Variants in EXPH5 observed in about 807,000 individuals in gnomAD.
EXPH5 encodes exophilin-5.
A neutral mutation model predicts 41.1 loss-of-function variants in EXPH5; 42 were observed. The observed-to-expected ratio is 1.02, with a 90% CI of 0.80 to 1.32. The LOEUF (loss-of-function observed/expected upper bound fraction) is 1.32. EXPH5 is among the 40% of genes most tolerant of loss of function. The pLI is 0.00. For missense variants in EXPH5, 2,298 were observed against 2,314.5 expected (o/e 0.99, Z 0.15); for synonymous variants, 798 against 833.5 (o/e 0.96, Z 0.73).
At chr11:108,560,063 C>A (rs765314458) in intron 1 of EXPH5, among the ~76,000 whole-genome samples, 1 of 152,156 alleles carries the variant, frequency 6.6e-6, no homozygotes, top group African/African-American at 2.4e-5. Context: ...GCAAGCCAGA[C>A]GAAAGAACGA....
At chr11:108,543,126 C>T (rs10890858) in intron 1 of EXPH5, among the ~76,000 whole-genome samples, 20,212 of 152,142 alleles carry the variant, frequency 0.13, 1,500 homozygotes, top group South Asian at 0.21. Context: ...TAATTTGAGA[C>T]GGACAGAAAA....
intron 1 of EXPH5, among the ~76,000 whole-genome samples, chr11:108,552,708 G>C (rs2093972336): frequency 6.6e-6 from 1 of 152,174 alleles, no homozygotes. Context: ...CTTGAGCCCA[G>C]GAGTTTGAGA....
chr11:108,581,636 C>G (rs1288047329), intron 1 of EXPH5, among the ~76,000 whole-genome samples: 1 of 151,696 alleles, frequency 6.6e-6, no homozygotes, highest in Non-Finnish European at 1.5e-5. Flanking sequence ...ATAAAGCAGG[C>G]AATGGTAAAT....
At chr11:108,541,025 C>T (rs1232219443) in intron 2 of EXPH5, among the ~76,000 whole-genome samples, 1 of 152,110 alleles carries the variant, frequency 6.6e-6, no homozygotes, top group Non-Finnish European at 1.5e-5. Context: ...CTGCCTCAGC[C>T]TCCAGAGTAG....
At chr11:108,547,342 C>T (rs1036308793) in intron 1 of EXPH5, among the ~76,000 whole-genome samples, 1 of 152,058 alleles carries the variant, frequency 6.6e-6, no homozygotes, top group Non-Finnish European at 1.5e-5. Flanking sequence ...TACAGTTGCA[C>T]GCTACTATGC....
chr11:108,548,367 AT>A (rs1304257878), intron 1 of EXPH5, among the ~76,000 whole-genome samples: 1 of 152,176 alleles, frequency 6.6e-6, no homozygotes, highest in Non-Finnish European at 1.5e-5. Flanking sequence ...GGATATGTTT[AT>A]GTTAGTATTT....
intron 3 of EXPH5, among the ~76,000 whole-genome samples, chr11:108,532,456 C>T (rs113449789): frequency 5.9e-4 from 78 of 132,926 alleles, no homozygotes; most frequent in African/African-American, 2.0e-3. Flanking sequence ...CTCAAGTGAT[C>T]TGCCTGCCTT....
chr11:108,593,594 A>AT lies in EXPH5; in HGVS notation c.-59dup. ...CCTTGGCGCCTCCTGTTAGGAAGGC[A>AT]TTTTTCAACCTGTACAAGACCAGTT... On this transcript the variant is annotated 5_prime_UTR_variant, in exon 1 of 6. It adds an upstream start codon to the 5' untranslated region. Transcript: ENST00000265843. 6.2e-7 allele frequency: 1 copy of AT among 1,612,996 alleles called. No homozygotes were observed. The highest frequency in any genetic ancestry group is 8.5e-7 in the Non-Finnish European group (1 of 1,179,570).
intron 1 of EXPH5, among the ~76,000 whole-genome samples, chr11:108,590,126 T>C (rs1591764102): frequency 6.6e-6 from 1 of 152,322 alleles, no homozygotes; most frequent in African/African-American, 2.4e-5. Context: ...TTGATAGATA[T>C]TGCCATAATG....
At position 108,510,095 on chromosome 11, in the gene EXPH5, G is replaced by A. The variant is rs373236523; in HGVS notation, c.5412C>T (p.Gly1804=). The A allele has an allele frequency of 9.9e-6, 16 of 1,612,840 alleles. No homozygotes were observed. The African/African-American group carries it at 1.2e-4, about 12-fold the overall frequency. ...GAGGATGGCTTTTTCGTAGTAGATCGCCATGAACATTAATGCTTTTTAAAC... is the reference window on the plus strand; with the variant it reads ...GAGGATGGCTTTTTCGTAGTAGATCACCATGAACATTAATGCTTTTTAAAC... ...SKSLKSINVH[G]DLLRKSHPPK... The change falls in exon 6 of 6, where the codon GGC becomes GGT. Residue 1804 remains glycine (G), a synonymous_variant. Coordinates refer to ENST00000265843, the MANE Select transcript of EXPH5 (RefSeq NM_015065.3).
intron 1 of EXPH5, among the ~76,000 whole-genome samples, chr11:108,582,771 G>C (rs867383610): frequency 8.5e-5 from 13 of 152,196 alleles, no homozygotes; most frequent in Admixed American, 2.0e-4. Context: ...TCTGTTCCAG[G>C]CCTCTCTCCT....
At chr11:108,600,416 G>C in the EXPH5 span, among the ~76,000 whole-genome samples, 1 of 151,428 alleles carries the variant, frequency 6.6e-6, no homozygotes, top group African/African-American at 2.4e-5. Flanking sequence ...TTCTCATTTT[G>C]ATTCAAGTAC....
chr11:108,604,278 C>T, the EXPH5 span, among the ~76,000 whole-genome samples: 1 of 150,368 alleles, frequency 6.7e-6, no homozygotes, highest in Non-Finnish European at 1.5e-5. Flanking sequence ...TGCCTGTAGT[C>T]CCAGCTACTT....
intron 1 of EXPH5, among the ~76,000 whole-genome samples, chr11:108,550,442 C>T (rs150876257): frequency 1.0e-3 from 153 of 152,244 alleles, no homozygotes; most frequent in African/African-American, 3.3e-3. Flanking sequence ...GGCTAGCCCA[C>T]GGAATGGTAA....
chr11:108,583,103 C>T (rs981878615), intron 1 of EXPH5, among the ~76,000 whole-genome samples: 1 of 152,048 alleles, frequency 6.6e-6, no homozygotes, highest in African/African-American at 2.4e-5. Flanking sequence ...AAGTATATCG[C>T]CAGGCGCAGT....
At chr11:108,570,800 C>G (rs2094056887) in intron 1 of EXPH5, among the ~76,000 whole-genome samples, 1 of 152,192 alleles carries the variant, frequency 6.6e-6, no homozygotes, top group Admixed American at 6.5e-5. Context: ...CCTACCTTGA[C>G]CTCCCAAAGT....
intron 3 of EXPH5, among the ~76,000 whole-genome samples, chr11:108,535,932 G>A (rs1480985772): frequency 1.3e-5 from 2 of 152,174 alleles, no homozygotes; most frequent in African/African-American, 2.4e-5. Flanking sequence ...ACCATTGGAT[G>A]CCCTGTGGAA....
intron 2 of EXPH5, among the ~76,000 whole-genome samples, chr11:108,540,084 G>A (rs1018383950): frequency 6.6e-6 from 1 of 152,160 alleles, no homozygotes; most frequent in Non-Finnish European, 1.5e-5. Context: ...TTGGGAGGCT[G>A]AGGTGGGCGG....
intron 1 of EXPH5, 101 bp downstream of exon 1, chr11:108,593,317 C>T: frequency 2.9e-6 from 3 of 1,026,076 alleles, no homozygotes; most frequent in Non-Finnish European, 4.5e-6. Context: ...GCTCGGAGCA[C>T]CCCCGGGCAG....
Sources: gnomAD v4.1 joint callset for allele counts (sites outside exome capture counted in the v4.1 genomes callset) on GRCh38, gnomAD v4.1.1 for gene constraint, MANE v1.5 for transcripts, NCBI Gene and HGNC (gene_info 2026-07-23, HGNC 2026-07-21) for gene names.